Variants in SGK1 observed in about 807,000 individuals in gnomAD.
SGK1 encodes serine/threonine-protein kinase Sgk1.
A neutral mutation model predicts 64.2 loss-of-function variants in SGK1; 26 were observed. That is an observed-to-expected ratio of 0.40 (90% CI 0.30 to 0.56). The LOEUF (loss-of-function observed/expected upper bound fraction) is 0.56. Ranked by LOEUF, SGK1 falls within the 20% of genes least tolerant of loss-of-function variation. SGK1 has a pLI of 0.38. For missense variants in SGK1, 519 were observed against 645.6 expected (o/e 0.80, Z 2.12); for synonymous variants, 265 against 239.7 (o/e 1.11, Z -0.98).
intron 2 of SGK1, among the ~76,000 whole-genome samples, chr6:134,253,399 G>C (rs1168299115): frequency 6.6e-6 from 1 of 151,860 alleles, no homozygotes; most frequent in Non-Finnish European, 1.5e-5. Context: ...CTCCCTGAGA[G>C]CTGGGATTAC....
intron 1 of SGK1, among the ~76,000 whole-genome samples, chr6:134,268,791 C>G (rs1776897258): frequency 6.9e-6 from 1 of 145,742 alleles, no homozygotes; most frequent in South Asian, 2.3e-4. Flanking sequence ...CCACACCAGA[C>G]TTTTAGAAGC....
chr6:134,287,724 T>G (rs552521168), intron 1 of SGK1, among the ~76,000 whole-genome samples: 1 of 152,250 alleles, frequency 6.6e-6, no homozygotes, highest in Admixed American at 6.5e-5. Flanking sequence ...AGAATATCAA[T>G]TTGTACATTT....
intron 1 of SGK1, among the ~76,000 whole-genome samples, chr6:134,301,294 A>T (rs2114792476): frequency 6.6e-6 from 1 of 152,282 alleles, no homozygotes; most frequent in African/African-American, 2.4e-5. Context: ...AAGATGGAGA[A>T]CTACAGTAAG....
chr6:134,258,199 G>T (rs1051012473), intron 2 of SGK1, among the ~76,000 whole-genome samples: 5 of 151,548 alleles, frequency 3.3e-5, no homozygotes, highest in African/African-American at 1.2e-4. Context: ...TCATTCCTGG[G>T]CTCAAGCAAT....
chr6:134,268,265 GCTGTGTGTGCGAGAAACACGAATGC>G (rs1407095162), intron 1 of SGK1, among the ~76,000 whole-genome samples: 1 of 152,210 alleles, frequency 6.6e-6, no homozygotes, highest in African/African-American at 2.4e-5. Context: ...AGCTGCAGCA[GCTGTGTGTGCGAGAAACACGAATGC>G]CCGGATGCCA....
intron 2 of SGK1, among the ~76,000 whole-genome samples, chr6:134,250,982 G>T (rs565066369): frequency 1.1e-3 from 173 of 152,202 alleles, no homozygotes; most frequent in South Asian, 2.5e-3. Flanking sequence ...TCACTATGTT[G>T]CCCAGGCTAG....
chr6:134,191,704 T>G (rs976682198), intron 3 of SGK1, among the ~76,000 whole-genome samples: 2 of 151,676 alleles, frequency 1.3e-5, no homozygotes, highest in African/African-American at 4.8e-5. Context: ...AGTCTCACTC[T>G]GTCGCCCAGG....
intron 2 of SGK1, among the ~76,000 whole-genome samples, chr6:134,254,866 TC>T (rs1776656862): frequency 6.6e-6 from 1 of 152,124 alleles, no homozygotes; most frequent in South Asian, 2.1e-4. Flanking sequence ...TATACAAATC[TC>T]ATTTTTTTTT....
At chr6:134,239,790 A>T (rs1776415535) in intron 2 of SGK1, among the ~76,000 whole-genome samples, 1 of 152,152 alleles carries the variant, frequency 6.6e-6, no homozygotes, top group Non-Finnish European at 1.5e-5. Context: ...CTTTGCTCTA[A>T]CCTATCTGCA....
intron 2 of SGK1, among the ~76,000 whole-genome samples, chr6:134,213,957 C>A (rs1217059031): frequency 1.3e-5 from 2 of 152,128 alleles, no homozygotes; most frequent in African/African-American, 2.4e-5. Flanking sequence ...CCTCTATGTA[C>A]CTATCAACCA....
At chr6:134,221,767 C>T (rs1299350734) in intron 2 of SGK1, among the ~76,000 whole-genome samples, 1 of 152,016 alleles carries the variant, frequency 6.6e-6, no homozygotes, top group African/African-American at 2.4e-5. Flanking sequence ...ATTCTCGTAC[C>T]TCAGCCTCCT....
intron 2 of SGK1, among the ~76,000 whole-genome samples, chr6:134,243,550 G>A (rs1212156747): frequency 6.6e-6 from 1 of 152,018 alleles, no homozygotes; most frequent in Non-Finnish European, 1.5e-5. Flanking sequence ...TGTATTTTCA[G>A]TAGAGACGGG....
chr6:134,213,276 C>T (rs967963768), intron 2 of SGK1, among the ~76,000 whole-genome samples: 1 of 152,086 alleles, frequency 6.6e-6, no homozygotes, highest in Non-Finnish European at 1.5e-5. Context: ...AATCCCAGCA[C>T]TTTGGGAGGT....
At chr6:134,297,869 T>C in intron 1 of SGK1, 1 of 787,304 alleles carries the variant, frequency 1.3e-6, no homozygotes. Context: ...GCTCCTCATA[T>C]TTGATCTGGT....
At chr6:134,196,561 G>C (rs906884461) in intron 3 of SGK1, among the ~76,000 whole-genome samples, 3 of 152,194 alleles carry the variant, frequency 2.0e-5, no homozygotes, top group Non-Finnish European at 4.4e-5. Context: ...CAGAAGGCCT[G>C]ACTCAAGAAT....
chr6:134,297,081 CT>C, intron 1 of SGK1: 1 of 483,470 alleles, frequency 2.1e-6, no homozygotes, highest in Non-Finnish European at 3.9e-6. Context: ...CCTGGTGGAG[CT>C]GATGTGGCTG....
intron 3 of SGK1, among the ~76,000 whole-genome samples, chr6:134,182,826 G>A (rs1775351875): frequency 6.6e-6 from 1 of 152,212 alleles, no homozygotes; most frequent in Non-Finnish European, 1.5e-5. Context: ...GCTCCTGAAT[G>A]TGCTGTATCA....
intron 1 of SGK1, among the ~76,000 whole-genome samples, chr6:134,281,401 A>G (rs1777092929): frequency 6.6e-6 from 1 of 152,184 alleles, no homozygotes; most frequent in Admixed American, 6.5e-5. Context: ...GGTGGTAGTA[A>G]AAGAGAGGCA....
At chr6:134,195,627 T>G (rs1409053130) in intron 3 of SGK1, among the ~76,000 whole-genome samples, 1 of 152,226 alleles carries the variant, frequency 6.6e-6, no homozygotes, top group African/African-American at 2.4e-5. Flanking sequence ...TGGAACCATC[T>G]AAACCATTGT....
Sources: allele counts gnomAD v4.1 joint callset (sites outside exome capture counted in the v4.1 genomes callset), GRCh38; gene constraint gnomAD v4.1.1; transcripts MANE v1.5; gene names NCBI Gene and HGNC (gene_info 2026-07-23, HGNC 2026-07-21).